Variants in ZNF451 observed in about 807,000 individuals in gnomAD.
ZNF451 encodes the protein E3 SUMO-protein ligase ZNF451.
In ZNF451, 80 loss-of-function variants were observed where a neutral mutation model predicts 107.1. The ratio of observed to expected loss-of-function variants is 0.75; its 90% confidence interval spans 0.62 to 0.90. The LOEUF (loss-of-function observed/expected upper bound fraction) is 0.90, where lower values mean the gene tolerates loss of function less well. Ranked by LOEUF, ZNF451 falls within the 40% of genes least tolerant of loss-of-function variation. ZNF451 has a pLI of 0.00. For synonymous variants in ZNF451, 362 were observed against 406.5 expected (o/e 0.89, Z 1.32); for missense variants, 1,107 against 1,236.2 (o/e 0.90, Z 1.57).
At chr6:57,100,595 T>C (rs1327933373) in intron 3 of ZNF451, 1 of 1,484,494 alleles carries the variant, frequency 6.7e-7, no homozygotes, top group Admixed American at 2.6e-5. Context: ...TTCATGTGGA[T>C]AACCCAGAGA....
Position 57,101,480 on chromosome 6 carries a change from G to A in ZNF451, c.186+2339G>A, listed in dbSNP as rs548620955. 412 of 1,550,904 alleles carry A rather than the reference G, an allele frequency of 2.7e-4. 1 individual carries two copies. Among genetic ancestry groups the A allele is most frequent in the Admixed American group, 7.8e-4 (40 of 50,990 alleles). On this transcript the variant is annotated intron_variant, in intron 3 of 14. Coordinates refer to ENST00000370706, the MANE Select transcript of ZNF451 (RefSeq NM_001031623.3). ...CCCATTGTAGAAGCATTAGAACACA[G>A]CAAAAGAGGAAACACAACATCCCCT... is the stretch of plus-strand genomic sequence containing the variant.
chr6:57,119,478 C>T (rs564782667), intron 3 of ZNF451, among the ~76,000 whole-genome samples: 3 of 152,136 alleles, frequency 2.0e-5, no homozygotes, highest in Admixed American at 6.5e-5. Context: ...GAGCCGAGAT[C>T]GCGCCACTGC....
intron 3 of ZNF451, among the ~76,000 whole-genome samples, chr6:57,117,091 T>G (rs1404087538): frequency 6.6e-6 from 1 of 152,170 alleles, no homozygotes; most frequent in East Asian, 1.9e-4. Context: ...GCAGAATTAG[T>G]AGAGAATAAC....
chr6:57,110,707 T>C (rs1321209734), intron 3 of ZNF451, among the ~76,000 whole-genome samples: 1 of 152,146 alleles, frequency 6.6e-6, no homozygotes, highest in African/African-American at 2.4e-5. Context: ...ATAAAAATAT[T>C]GCTTCATTGG....
chr6:57,159,440 T>C (rs1763570831), intron 13 of ZNF451: 1 of 978,498 alleles, frequency 1.0e-6, no homozygotes, highest in South Asian at 4.7e-5. Flanking sequence ...TTGTCTAACC[T>C]GTGGCCCACG....
At chr6:57,117,113 A>T (rs1198169588) in intron 3 of ZNF451, among the ~76,000 whole-genome samples, 1 of 152,194 alleles carries the variant, frequency 6.6e-6, no homozygotes, top group Admixed American at 6.5e-5. Flanking sequence ...GAGGCAATTT[A>T]TTGAGACATA....
intron 4 of ZNF451, among the ~76,000 whole-genome samples, chr6:57,127,247 C>A (rs1366315954): frequency 6.6e-6 from 1 of 152,096 alleles, no homozygotes; most frequent in Non-Finnish European, 1.5e-5. Context: ...AATAGGGGTG[C>A]ACATTAGCAC....
In ZNF451 at chr6:57,147,794, CTT is replaced by C; in HGVS notation, c.1711_1712del (p.Leu571AlafsTer9). The C allele has an allele frequency of 6.2e-7, 1 of 1,613,944 alleles. No homozygotes were observed. The highest frequency in any genetic ancestry group is 8.5e-7 in the Non-Finnish European group (1 of 1,179,974). ...GAGATGGATGAGGTAGAAGGTGAAACTTTGCCATCATCCTCTACAACATTGGA... is the reference window on the plus strand; with the variant it reads ...GAGATGGATGAGGTAGAAGGTGAAACTGCCATCATCCTCTACAACATTGGA... On this transcript the variant is annotated frameshift_variant, in exon 10 of 15. Coordinates refer to ENST00000370706, the MANE Select transcript of ZNF451 (RefSeq NM_001031623.3). LOFTEE classifies it high-confidence loss of function.
intron 13 of ZNF451, among the ~76,000 whole-genome samples, chr6:57,155,301 C>T (rs1333972042): frequency 1.3e-5 from 2 of 152,180 alleles, no homozygotes; most frequent in Admixed American, 1.3e-4. Context: ...GCCTGGTCAA[C>T]ATGGTGAAAA....
intron 14 of ZNF451, among the ~76,000 whole-genome samples, chr6:57,162,286 A>AT (rs1371473537): frequency 1.3e-5 from 2 of 152,186 alleles, no homozygotes; most frequent in African/African-American, 2.4e-5. Context: ...CATTTCCTTG[A>AT]TCTCAGATAA....
In ZNF451 at chr6:57,134,757, C is replaced by G; in HGVS notation, c.589C>G (p.Pro197Ala). The change falls in exon 7 of 15, where the codon CCA (proline) becomes GCA (alanine). Residue 197 changes from proline (P) to alanine (A), a missense_variant. Physicochemically the swap from Pro to Ala is conservative, Grantham distance 27. Coordinates refer to ENST00000370706, the MANE Select transcript of ZNF451 (RefSeq NM_001031623.3). ...LGHLKRFDHS[P>A]CDPTITLHGP... ...TTTGCTGAGTAGGTTCGATCACTCT[C>G]CATGTGATCCAACAATTACACTACA... is the stretch of plus-strand genomic sequence containing the variant. The G allele has an allele frequency of 6.2e-7, 1 of 1,613,046 alleles. No individual in the cohort carries two copies. Among genetic ancestry groups the G allele is most frequent in the Non-Finnish European group, 8.5e-7 (1 of 1,179,598 alleles).
chr6:57,134,266 A>G (rs1156703009), intron 6 of ZNF451: 1 of 153,590 alleles, frequency 6.5e-6, no homozygotes, highest in East Asian at 1.9e-4. Context: ...CCTTAGCTAA[A>G]GTGCTCCAGG....
rs1267432258 is a variant in ZNF451, at chr6:57,148,519, C to T, written c.2434C>T (p.His812Tyr). The T allele has an allele frequency of 6.2e-7, 1 of 1,614,136 alleles. No homozygotes were observed. Among genetic ancestry groups the T allele is most frequent in the South Asian group, 1.1e-5 (1 of 91,074 alleles). ...ESAQQHFHRK[H>Y]CFLQKPSVAH... Reference sequence around the variant, plus strand: ...TGCACAGCAGCATTTCCATAGAAAACATTGCTTCTTACAGAAACCCAGTGT... The same window carrying T: ...TGCACAGCAGCATTTCCATAGAAAATATTGCTTCTTACAGAAACCCAGTGT... Residue 812 changes from histidine (H) to tyrosine (Y), a missense_variant, in exon 10 of 15, where the codon CAT becomes TAT. Physicochemically the swap from His to Tyr is moderately conservative, Grantham distance 83 (BLOSUM62 2). Coordinates refer to ENST00000370706, the MANE Select transcript of ZNF451 (RefSeq NM_001031623.3).
chr6:57,098,834 T>G (rs1829448565), intron 2 of ZNF451, among the ~76,000 whole-genome samples: 1 of 152,208 alleles, frequency 6.6e-6, no homozygotes, highest in South Asian at 2.1e-4. Flanking sequence ...GCCCTAATAT[T>G]CTACAGGGGT....
chr6:57,101,557 G>A (rs1829599276), intron 3 of ZNF451: 2 of 1,550,838 alleles, frequency 1.3e-6, no homozygotes, highest in Non-Finnish European at 1.7e-6. Context: ...GTTTTACCAC[G>A]CTGCCTCCAT....
At chr6:57,124,637 A>T (rs1442304466) in intron 3 of ZNF451, 97 bp from the exon 4 acceptor site, 3 of 898,530 alleles carry the variant, frequency 3.3e-6, no homozygotes, top group South Asian at 1.6e-5. Flanking sequence ...TAACTCAAGT[A>T]AATGGTTCTT....
chr6:57,144,834 C>G (rs1281508134), intron 9 of ZNF451, among the ~76,000 whole-genome samples: 1 of 151,986 alleles, frequency 6.6e-6, no homozygotes, highest in Non-Finnish European at 1.5e-5. Flanking sequence ...GTGGCTGAGG[C>G]AAGAGAATCG....
At position 57,150,892 on chromosome 6, in the gene ZNF451, C is replaced by T. The variant is rs768546346; in HGVS notation, c.2752+30C>T. 139 of 1,612,060 alleles carry T rather than the reference C, an allele frequency of 8.6e-5. 2 individuals are homozygous for T. In the South Asian group the frequency reaches 1.5e-3, roughly 17 times the overall value. On this transcript the variant is annotated intron_variant, in intron 11 of 14. Transcript: ENST00000370706. ...GGTTAATAAGAAAAACAAAAGAAAA[C>T]TTTTTCCCACCTCTTAGAATATAGT...
At chr6:57,129,368 A>G (rs1382647941) in intron 5 of ZNF451, among the ~76,000 whole-genome samples, 1 of 151,990 alleles carries the variant, frequency 6.6e-6, no homozygotes, top group Non-Finnish European at 1.5e-5. Flanking sequence ...AACATGTCTT[A>G]CTCCACCGGA....
Sources: gnomAD v4.1 joint callset for allele counts (sites outside exome capture counted in the v4.1 genomes callset) on GRCh38, gnomAD v4.1.1 for gene constraint, MANE v1.5 for transcripts, NCBI Gene and HGNC (gene_info 2026-07-23, HGNC 2026-07-21) for gene names.